Variants in LIMD1 observed in about 807,000 individuals in gnomAD.
The protein encoded by LIMD1 is LIM domain-containing protein 1.
In LIMD1, 23 loss-of-function variants were observed where a neutral mutation model predicts 58.4. That is an observed-to-expected ratio of 0.39 (90% CI 0.28 to 0.56). LIMD1 has a LOEUF of 0.56. Ranked by LOEUF, LIMD1 falls within the 20% of genes least tolerant of loss-of-function variation. The pLI is 0.57. For missense variants in LIMD1, 838 were observed against 855.5 expected (o/e 0.98, Z 0.25); for synonymous variants, 334 against 345.5 (o/e 0.97, Z 0.37).
At chr3:45,597,629 T>C (rs1701370767) in intron 1 of LIMD1, among the ~76,000 whole-genome samples, 1 of 152,206 alleles carries the variant, frequency 6.6e-6, no homozygotes, top group African/African-American at 2.4e-5. Flanking sequence ...TTTTTCTTTT[T>C]CAGTTTTTAA....
At chr3:45,663,804 T>C (rs561496339) in intron 2 of LIMD1, among the ~76,000 whole-genome samples, 24 of 151,646 alleles carry the variant, frequency 1.6e-4, no homozygotes, top group Non-Finnish European at 2.7e-4. Context: ...AATCTCCACC[T>C]CCTGGGTTCA....
chr3:45,671,185 A>G (rs1697582033), intron 4 of LIMD1, among the ~76,000 whole-genome samples: 1 of 152,216 alleles, frequency 6.6e-6, no homozygotes. Context: ...AGGTTAGGGA[A>G]ACCCAAGAGG....
intron 3 of LIMD1, among the ~76,000 whole-genome samples, chr3:45,667,873 T>A (rs1450363818): frequency 6.6e-6 from 1 of 152,136 alleles, no homozygotes; most frequent in Non-Finnish European, 1.5e-5. Flanking sequence ...CTGAAAGGCT[T>A]GTGAAAACAC....
chr3:45,637,481 A>G (rs891254897), intron 2 of LIMD1, among the ~76,000 whole-genome samples: 15 of 152,228 alleles, frequency 9.9e-5, no homozygotes, highest in African/African-American at 3.4e-4. Context: ...GGGTTTCACC[A>G]TGTTGGCCAG....
chr3:45,618,667 T>C (rs115215912), intron 1 of LIMD1, among the ~76,000 whole-genome samples: 1 of 152,346 alleles, frequency 6.6e-6, no homozygotes, highest in African/African-American at 2.4e-5. Flanking sequence ...AGAGCTTACA[T>C]GATCTCACTT....
chr3:45,644,876 C>T (rs1701885815), intron 2 of LIMD1, among the ~76,000 whole-genome samples: 1 of 152,122 alleles, frequency 6.6e-6, no homozygotes, highest in Non-Finnish European at 1.5e-5. Flanking sequence ...GGAGAGTGGC[C>T]TGGGGCTGGG....
Position 45,636,202 on chromosome 3 carries a change from G to C in LIMD1, c.1461G>C (p.Gln487His). 1.2e-6 allele frequency: 2 copies of C among 1,613,146 alleles called. No individual in the cohort carries two copies. Among genetic ancestry groups the C allele is most frequent in the East Asian group, 2.2e-5 (1 of 44,860 alleles). ...TGTTTGGGGCTGGCCAGGCCTGTCAGGCCATGGGGAACCTCTACCATGACA... is the reference window on the plus strand; with the variant it reads ...TGTTTGGGGCTGGCCAGGCCTGTCACGCCATGGGGAACCTCTACCATGACA... ...KGVFGAGQAC[Q>H]AMGNLYHDTC... The change falls in exon 2 of 8, where the codon CAG (glutamine) becomes CAC (histidine). Residue 487 changes from glutamine (Q) to histidine (H), a missense_variant. By Grantham distance (24) the Gln-to-His change is conservative. Around this residue, in one of 3 missense-constraint regions of LIMD1, gnomAD observed 659 missense variants for 639.8 expected, o/e 1.03. Coordinates refer to ENST00000273317, the MANE Select transcript of LIMD1 (RefSeq NM_014240.3).
rs778792267 is a variant in LIMD1 at position 45,676,985 on chromosome 3, T to C, written c.1957T>C (p.Phe653Leu). 6.2e-7 allele frequency: 1 copy of C among 1,614,046 alleles called. No homozygotes were observed. The highest frequency in any genetic ancestry group is 1.7e-5 in the Admixed American group (1 of 60,020). ...CTGTTATCCGCTGGAGGACCACCTG[T>C]TCTGTCACTCCTGCCACGTGAAGAG... Reference protein sequence around the residue: ...HRCYPLEDHLFCHSCHVKRLE... With the variant: ...HRCYPLEDHLLCHSCHVKRLE... The change falls in exon 8 of 8, where the codon TTC (phenylalanine) becomes CTC (leucine). Residue 653 changes from phenylalanine to leucine, a missense_variant. By Grantham distance (22) the Phe-to-Leu change is conservative. Around this residue, in one of 3 missense-constraint regions of LIMD1, gnomAD observed 174 missense variants for 197.4 expected, o/e 0.88. Coordinates refer to ENST00000273317, the MANE Select transcript of LIMD1 (RefSeq NM_014240.3).
In LIMD1 at chr3:45,678,218, C is replaced by T. The variant is rs185990064; in HGVS notation, c.*1159C>T. 8.5e-5 allele frequency: 13 copies of T among 152,746 alleles called. No individual in the cohort carries two copies. The highest frequency in any genetic ancestry group is 3.1e-4 in the African/African-American group (13 of 41,552). The allele number at this position is 152,746 out of a possible 1,614,324, so 9.5% of individuals were successfully genotyped here. A position where few individuals can be genotyped will look rare whatever the true frequency, so the allele number is the denominator to read the frequency against. Reference sequence around the variant, plus strand: ...GTTTCCCTTCACTTTCAGTCTTCCACACACAAAAAATACCTCACAGAGCTT... The same window carrying T: ...GTTTCCCTTCACTTTCAGTCTTCCATACACAAAAAATACCTCACAGAGCTT... On this transcript the variant is annotated 3_prime_UTR_variant, in exon 8 of 8. Transcript: ENST00000273317.
intron 2 of LIMD1, among the ~76,000 whole-genome samples, chr3:45,662,257 G>A (rs368568872): frequency 2.1e-4 from 30 of 146,034 alleles, no homozygotes; most frequent in Middle Eastern, 6.9e-3. Flanking sequence ...TTGCCTTTTC[G>A]TTTACGGTGT....
chr3:45,635,880 G>A (rs1486856582), intron 1 of LIMD1: 2 of 985,052 alleles, frequency 2.0e-6, no homozygotes, highest in Non-Finnish European at 2.4e-6. Context: ...GGTGAGGGAG[G>A]GAGTTGACCA....
intron 1 of LIMD1, among the ~76,000 whole-genome samples, chr3:45,633,416 A>G (rs3774667): frequency 0.087 from 13,291 of 152,256 alleles, 644 homozygotes; most frequent in East Asian, 0.13. Context: ...CCGGAAAAAA[A>G]TAAGCCTAAG....
intron 1 of LIMD1, among the ~76,000 whole-genome samples, chr3:45,616,218 T>C (rs1328146639): frequency 6.6e-6 from 1 of 152,148 alleles, no homozygotes. Context: ...GCCCCCTTCC[T>C]CCTGACCCCA....
intron 5 of LIMD1, among the ~76,000 whole-genome samples, chr3:45,673,030 G>A (rs1161680345): frequency 1.3e-5 from 2 of 149,410 alleles, no homozygotes; most frequent in East Asian, 3.9e-4. Context: ...ATCATGTTTA[G>A]TGAAAAAAAA....
intron 1 of LIMD1, among the ~76,000 whole-genome samples, chr3:45,621,249 C>T (rs1024068197): frequency 2.0e-5 from 3 of 151,880 alleles, no homozygotes; most frequent in Middle Eastern, 3.4e-3. Flanking sequence ...CTTTTCTTTC[C>T]TTACAGGGTC....
rs1697754022 is a variant in LIMD1, at chr3:45,682,184, GT to G, written c.*5126del. On this transcript the variant is annotated 3_prime_UTR_variant, in exon 8 of 8. Coordinates refer to ENST00000273317, the MANE Select transcript of LIMD1 (RefSeq NM_014240.3). ...ATAAAAGTTTTTTTTTTCTTTTTAA[GT>G]GATGAGAGAATGGCTAGTCTGATTT... The G allele has an allele frequency of 6.6e-6, 1 of 151,982 alleles. No homozygotes were observed. Among genetic ancestry groups the G allele is most frequent in the African/African-American group, 2.4e-5 (1 of 41,366 alleles). 9.4% of individuals were successfully genotyped at this position (151,982 alleles called of 1,614,324 possible). A position where few individuals can be genotyped will look rare whatever the true frequency, so the allele number is the denominator to read the frequency against.
intron 1 of LIMD1, among the ~76,000 whole-genome samples, chr3:45,624,683 A>G (rs1223561465): frequency 1.3e-5 from 2 of 152,202 alleles, no homozygotes; most frequent in Non-Finnish European, 2.9e-5. Flanking sequence ...AGATTGCGCC[A>G]CTGCACTCCA....
In LIMD1 at chr3:45,595,422, C is replaced by G. The variant is rs762662622; in HGVS notation, c.543C>G (p.Asp181Glu). 6.2e-7 allele frequency: 1 copy of G among 1,613,968 alleles called. No individual in the cohort carries two copies. The highest frequency in any genetic ancestry group is 1.3e-5 in the African/African-American group (1 of 74,940). Residue 181 changes from aspartate (D) to glutamate (E), a missense_variant, in exon 1 of 8, where the codon GAC becomes GAG. Asp to Glu is a conservative substitution (Grantham distance 45, BLOSUM62 2). Coordinates refer to ENST00000273317, the MANE Select transcript of LIMD1 (RefSeq NM_014240.3). ...PSCLTHGDYY[D>E]NLSLASPKWG... ...GCCTCACTCATGGAGACTATTATGA[C>G]AACCTCTCCTTGGCAAGCCCAAAGT...
chr3:45,669,672 C>T (rs1053608591), intron 4 of LIMD1, among the ~76,000 whole-genome samples: 1 of 152,178 alleles, frequency 6.6e-6, no homozygotes. Flanking sequence ...TAAATAGAAA[C>T]ATATAGTATA....
Sources: allele counts gnomAD v4.1 joint callset (sites outside exome capture counted in the v4.1 genomes callset), GRCh38; gene constraint gnomAD v4.1.1; regional missense constraint gnomAD v4.1.1; transcripts MANE v1.5; gene names NCBI Gene and HGNC (gene_info 2026-07-23, HGNC 2026-07-21).